MAP3K13: variants seen among roughly 807,000 people sequenced by gnomAD.
The protein encoded by MAP3K13 is leucine zipper-bearing kinase.
A neutral mutation model predicts 104.0 loss-of-function variants in MAP3K13; 52 were observed. The ratio of observed to expected loss-of-function variants is 0.50; its 90% CI spans 0.40 to 0.63. The LOEUF (loss-of-function observed/expected upper bound fraction) is 0.63, where lower values mean the gene tolerates loss of function less well. Ranked by LOEUF, MAP3K13 falls within the 20% of genes least tolerant of loss-of-function variation. The probability of loss-of-function intolerance (pLI) is 0.00; values close to 1 mark genes in which losing one functional copy is unlikely to be tolerated. For missense variants in MAP3K13, 914 were observed against 1,218.5 expected, an observed-to-expected ratio of 0.75 and a Z score of 3.72; for synonymous variants, 394 against 442.2, an observed-to-expected ratio of 0.89 and a Z score of 1.37.
intron 2 of MAP3K13, among the ~76,000 whole-genome samples, chr3:185,355,072 A>T (rs1038318205): frequency 1.3e-5 from 2 of 152,174 alleles, no homozygotes; most frequent in Non-Finnish European, 2.9e-5. Flanking sequence ...TAAACTGTAA[A>T]GTGCAGTATA....
At chr3:185,364,744 G>T (rs191309277) in intron 1 of MAP3K13, among the ~76,000 whole-genome samples, 78 of 152,190 alleles carry the variant, frequency 5.1e-4, no homozygotes, top group African/African-American at 1.9e-3. Context: ...GTAATAGAGG[G>T]AAAACCTCTG....
intron 2 of MAP3K13, among the ~76,000 whole-genome samples, chr3:185,286,948 G>A (rs2108667670): frequency 6.6e-6 from 1 of 152,126 alleles, no homozygotes; most frequent in Non-Finnish European, 1.5e-5. Flanking sequence ...AATTATGAGA[G>A]CCTTTTACTA....
rs1315599928 is a variant in MAP3K13 at position 185,487,176 on chromosome 3, G to GT, written c.*4720_*4721insT. ...CACCAACCCAGACTTTTTTTGGGGG[G>GT]GGGTGAGGGCGCAGGATCTCACTCT... is the stretch of plus-strand genomic sequence containing the variant. On this transcript the variant is annotated 3_prime_UTR_variant, in exon 14 of 14. Transcript: ENST00000265026. 6.6e-6 allele frequency: 1 copy of GT among 151,580 alleles called. No individual in the cohort carries two copies. Among genetic ancestry groups the GT allele is most frequent in the African/African-American group, 2.4e-5 (1 of 41,150 alleles). 9.4% of individuals were successfully genotyped at this position (151,580 alleles called of 1,614,324 possible). A position where few individuals can be genotyped will look rare whatever the true frequency, so the allele number is the denominator to read the frequency against.
rs1206208153 is a variant in MAP3K13, at chr3:185,455,307, TGA to T, written c.1278+3915_1278+3916del. Reference sequence around the variant, plus strand: ...ATGAGATATATATATGAGATATATATGAGATATATATGAGATATATATGATAT... The same window carrying T: ...ATGAGATATATATATGAGATATATATGATATATATGAGATATATATGATAT... On this transcript the variant is annotated intron_variant, in intron 7 of 13. Transcript: ENST00000265026. Among the ~76,000 whole-genome samples the T allele has an allele frequency of 7.3e-5, 9 of 122,680 alleles. 1 individual carries two copies. The highest frequency in any genetic ancestry group is 5.2e-4 in the South Asian group (2 of 3,846). 80.5% of individuals were successfully genotyped at this position (122,680 alleles called of 152,430 possible). A position where few individuals can be genotyped will look rare whatever the true frequency, so the allele number is the denominator to read the frequency against.
intron 1 of MAP3K13, among the ~76,000 whole-genome samples, chr3:185,374,749 T>C (rs1470069990): frequency 6.6e-6 from 1 of 150,752 alleles, no homozygotes; most frequent in South Asian, 2.1e-4. Context: ...TTTAAAAACA[T>C]AGAGTCCCCC....
intron 11 of MAP3K13, 187 bp from the exon 12 acceptor site, chr3:185,477,139 A>G: frequency 2.9e-6 from 2 of 687,228 alleles, no homozygotes; most frequent in Non-Finnish European, 5.3e-6. Context: ...GCCCGCCATC[A>G]TAGGTACCCT....
rs1277635133 is a variant in MAP3K13 at position 185,443,553 on chromosome 3, A to G, written c.768A>G (p.Leu256=). 6.2e-7 allele frequency: 1 copy of G among 1,613,980 alleles called. No homozygotes were observed. Among genetic ancestry groups the G allele is most frequent in the Non-Finnish European group, 8.5e-7 (1 of 1,179,948 alleles). Residue 256 remains leucine (L), a synonymous_variant, in exon 4 of 14, where the codon CTA becomes CTG. Coordinates refer to ENST00000265026, the MANE Select transcript of MAP3K13 (RefSeq NM_004721.5). ...RAGRKITPRL[L]VDWSTGIASG... ...GCAGGAAGATCACACCTCGATTGCT[A>G]GTAGACTGGTCCACAGGAATTGCAA...
Position 185,423,994 on chromosome 3 carries a change from T to C in MAP3K13, c.-85-4503T>C, listed in dbSNP as rs552389594. Among the ~76,000 whole-genome samples the C allele has an allele frequency of 6.6e-6, 1 of 152,328 alleles. No homozygotes were observed. The highest frequency in any genetic ancestry group is 6.5e-5 in the Admixed American group (1 of 15,302). ...GCATTGTTCCCATCTCTCTTGGCTCTGTAGAACGGAATATGGCTCACTTGT... is the reference window on the plus strand; with the variant it reads ...GCATTGTTCCCATCTCTCTTGGCTCCGTAGAACGGAATATGGCTCACTTGT... On this transcript the variant is annotated intron_variant, in intron 1 of 13. Transcript: ENST00000265026. The surrounding 1 kb of genome is among the most constrained non-coding windows in gnomAD (Gnocchi z 4.1).
chr3:185,406,808 C>A (rs1423760599), intron 1 of MAP3K13, among the ~76,000 whole-genome samples: 2 of 152,106 alleles, frequency 1.3e-5, no homozygotes, highest in Non-Finnish European at 2.9e-5. Context: ...AATTCATTTT[C>A]GTCTTCTGAG....
At chr3:185,424,713 T>C (rs1714317283) in intron 1 of MAP3K13, among the ~76,000 whole-genome samples, 1 of 152,252 alleles carries the variant, frequency 6.6e-6, no homozygotes, top group African/African-American at 2.4e-5. Context: ...GTAAACAGCC[T>C]TCTGTAAATT....
intron 7 of MAP3K13, among the ~76,000 whole-genome samples, chr3:185,459,055 G>A (rs1343457051): frequency 6.6e-6 from 1 of 152,132 alleles, no homozygotes. Flanking sequence ...TGGCTTTGAA[G>A]CTCTCTCACC....
chr3:185,401,579 A>G (rs1414163844), intron 1 of MAP3K13, among the ~76,000 whole-genome samples: 1 of 152,168 alleles, frequency 6.6e-6, no homozygotes, highest in Non-Finnish European at 1.5e-5. Flanking sequence ...ACCACTCCCT[A>G]TTTACTTCAG....
intron 1 of MAP3K13, among the ~76,000 whole-genome samples, chr3:185,393,955 G>C (rs1274748153): frequency 6.6e-6 from 1 of 152,160 alleles, no homozygotes; most frequent in Non-Finnish European, 1.5e-5. Context: ...TGTGATGACG[G>C]TTAGCAAGGA....
chr3:185,341,856 GACA>G (rs1664858607), intron 2 of MAP3K13, among the ~76,000 whole-genome samples: 1 of 152,178 alleles, frequency 6.6e-6, no homozygotes, highest in African/African-American at 2.4e-5. Context: ...GTTTTTACAT[GACA>G]ACAACTGAGA....
chr3:185,301,491 T>C (rs1483390855), intron 2 of MAP3K13, among the ~76,000 whole-genome samples: 2 of 152,224 alleles, frequency 1.3e-5, no homozygotes, highest in Admixed American at 1.3e-4. Flanking sequence ...TTTGCACTTG[T>C]TGCCTGTGCT....
At chr3:185,404,145 G>A (rs1577515519) in intron 1 of MAP3K13, among the ~76,000 whole-genome samples, 1 of 152,216 alleles carries the variant, frequency 6.6e-6, no homozygotes, top group Admixed American at 6.5e-5. Flanking sequence ...TGCATAAACA[G>A]TAGCCTGGAT....
At chr3:185,380,406 G>A (rs1166954891) in intron 1 of MAP3K13, among the ~76,000 whole-genome samples, 1 of 151,366 alleles carries the variant, frequency 6.6e-6, no homozygotes, top group African/African-American at 2.4e-5. Context: ...AGCTACTCAG[G>A]AGGCTGAGGC....
intron 2 of MAP3K13, among the ~76,000 whole-genome samples, chr3:185,351,020 T>C (rs1723120478): frequency 6.6e-6 from 1 of 152,198 alleles, no homozygotes; most frequent in Non-Finnish European, 1.5e-5. Flanking sequence ...CATGGAATAC[T>C]ACACAGCCAT....
chr3:185,471,476 T>TTC (rs61596316), intron 10 of MAP3K13, among the ~76,000 whole-genome samples: 1 of 136,348 alleles, frequency 7.3e-6, no homozygotes, highest in Non-Finnish European at 1.6e-5. Context: ...TTTTTTTTTT[T>TTC]GAGATGGAGT....
Sources: allele counts gnomAD v4.1 joint callset (sites outside exome capture counted in the v4.1 genomes callset), GRCh38; gene constraint gnomAD v4.1.1; non-coding constraint Gnocchi (gnomAD v3.1); transcripts MANE v1.5; gene names NCBI Gene and HGNC (gene_info 2026-07-23, HGNC 2026-07-21).